Variants in NAALADL2 observed in about 807,000 individuals in gnomAD.
The protein encoded by NAALADL2 is inactive N-acetylated-alpha-linked acidic dipeptidase-like protein 2.
Under a neutral mutation model 87.2 loss-of-function variants are expected in NAALADL2, and 76 were observed. The observed-to-expected ratio is 0.87, with a 90% CI of 0.72 to 1.05. NAALADL2 has a LOEUF of 1.05. Ranked by LOEUF, NAALADL2 falls within the 50% of genes least tolerant of loss-of-function variation. NAALADL2 has a pLI of 0.00. For synonymous variants in NAALADL2, 354 were observed against 331.0 expected, an observed-to-expected ratio of 1.07 and a Z score of -0.75; for missense variants, 1,089 against 945.8, an observed-to-expected ratio of 1.15 and a Z score of -1.99.
chr3:174,867,527 A>T (rs1217466065), intron 1 of NAALADL2, among the ~76,000 whole-genome samples: 1 of 152,024 alleles, frequency 6.6e-6, no homozygotes, highest in Non-Finnish European at 1.5e-5. Flanking sequence ...GCCATAGCTG[A>T]CTTGTTTATT....
At chr3:174,710,428 A>G (rs910303402) in intron 2 of NAALADL2, among the ~76,000 whole-genome samples, 1 of 151,726 alleles carries the variant, frequency 6.6e-6, no homozygotes, top group African/African-American at 2.4e-5. Context: ...CTAATTTTGT[A>G]TTTTTAGTAG....
intron 10 of NAALADL2, among the ~76,000 whole-genome samples, chr3:175,605,926 C>T (rs1461660122): frequency 2.0e-4 from 31 of 152,034 alleles, no homozygotes; most frequent in Admixed American, 2.0e-3. Flanking sequence ...GCTCAGTATC[C>T]TTTGGTGGAA....
intron 2 of NAALADL2, among the ~76,000 whole-genome samples, chr3:174,703,364 T>A (rs1021979309): frequency 6.6e-6 from 1 of 151,740 alleles, no homozygotes; most frequent in East Asian, 1.9e-4. Flanking sequence ...TAATTGTTTT[T>A]AATACATGAA....
chr3:175,157,803 C>T (rs754666347), intron 2 of NAALADL2, among the ~76,000 whole-genome samples: 2 of 151,994 alleles, frequency 1.3e-5, no homozygotes, highest in Non-Finnish European at 2.9e-5. Flanking sequence ...TAATTCAATG[C>T]ATTTCCAGAT....
rs1247696520 is a variant in NAALADL2 at position 175,576,175 on chromosome 3, C to G, written c.1788C>G (p.Ile596Met). The G allele has an allele frequency of 6.2e-7, 1 of 1,613,062 alleles. No homozygotes were observed. The highest frequency in any genetic ancestry group is 1.1e-5 in the South Asian group (1 of 90,960). ...TCGTGCAGTTTGCTTACGAGGACAT[C>G]AAAACATTAGAGGTGATTGTTCCTA... The part of the protein sequence containing the change: ...VPIVQFAYED[I>M]KTLEGPSFLS... The change falls in exon 10 of 14, where the codon ATC becomes ATG. Residue 596 changes from isoleucine (I) to methionine (M), a missense_variant. Transcript: ENST00000454872.
intron 9 of NAALADL2, among the ~76,000 whole-genome samples, chr3:175,474,150 T>C (rs1392330219): frequency 6.6e-6 from 1 of 152,152 alleles, no homozygotes; most frequent in Non-Finnish European, 1.5e-5. Flanking sequence ...ATTTTTCTGA[T>C]GATTTGTGAA....
rs142450698 is a variant in NAALADL2 at position 175,608,497 on chromosome 3, A to G, written c.1801-18794A>G. Among the ~76,000 whole-genome samples the G allele has an allele frequency of 7.6e-3, 1,161 of 152,058 alleles. 6 individuals carry two copies. Among genetic ancestry groups the G allele is most frequent in the Admixed American group, 0.011 (173 of 15,280 alleles). ...AAGACACAGAGAGCCTGCAGTGCAG[A>G]CACAGGAGGTACTTTTGTTCTGCTC... is the stretch of plus-strand genomic sequence containing the variant. On this transcript the variant is annotated intron_variant, in intron 10 of 13. Transcript: ENST00000454872.
At chr3:175,507,388 C>A (rs1730497092) in intron 9 of NAALADL2, among the ~76,000 whole-genome samples, 1 of 152,112 alleles carries the variant, frequency 6.6e-6, no homozygotes, top group East Asian at 1.9e-4. Context: ...CCAGCCTAAT[C>A]TAAATCTTTC....
intron 1 of NAALADL2, among the ~76,000 whole-genome samples, chr3:174,925,508 G>T (rs1192026914): frequency 2.6e-5 from 4 of 152,156 alleles, no homozygotes; most frequent in Non-Finnish European, 5.9e-5. Context: ...GTAGTGTGAT[G>T]CCTCCAGCTT....
chr3:174,878,979 C>T (rs1728857031), intron 1 of NAALADL2, among the ~76,000 whole-genome samples: 1 of 152,030 alleles, frequency 6.6e-6, no homozygotes, highest in South Asian at 2.1e-4. Flanking sequence ...TCTTCAATCT[C>T]AGTACGCATA....
At chr3:175,080,078 GC>G (rs1717476421) in intron 1 of NAALADL2, among the ~76,000 whole-genome samples, 2 of 151,734 alleles carry the variant, frequency 1.3e-5, no homozygotes, top group African/African-American at 4.8e-5. Context: ...CCATTCTCCT[GC>G]CTCAGCCTCC....
At chr3:174,482,557 C>T (rs544715517) in intron 1 of NAALADL2, among the ~76,000 whole-genome samples, 1 of 152,026 alleles carries the variant, frequency 6.6e-6, no homozygotes, top group Non-Finnish European at 1.5e-5. Flanking sequence ...ATTGAGCCAG[C>T]AGTCCAGATC....
chr3:174,560,314 T>C lies in NAALADL2; in HGVS notation c.-115+9677T>C, dbSNP rs1171099818. 3.9e-5 allele frequency among the ~76,000 whole-genome samples: 6 copies of C among 152,278 alleles called. No individual in the cohort carries two copies. The Middle Eastern group carries it at 0.01, about 259-fold the overall frequency. On this transcript the variant is annotated intron_variant, in intron 2 of 3. Coordinates refer to the NAALADL2 transcript ENST00000434257. ...ACTGCATAGCCTTAATGACAATAGG[T>C]ACAAAAGATGACAGGGCAAGTACTT...
intron 2 of NAALADL2, among the ~76,000 whole-genome samples, chr3:175,114,010 T>C (rs1724669731): frequency 6.6e-6 from 1 of 151,674 alleles, no homozygotes; most frequent in African/African-American, 2.4e-5. Context: ...TGTCTCAAGT[T>C]TGTCAGGTCT....
chr3:175,629,052 A>G (rs961778341), intron 11 of NAALADL2, among the ~76,000 whole-genome samples: 2 of 150,490 alleles, frequency 1.3e-5, no homozygotes, highest in African/African-American at 4.9e-5. Context: ...TGTATATAAC[A>G]GGATAGAAGT....
intron 2 of NAALADL2, among the ~76,000 whole-genome samples, chr3:175,133,474 C>T (rs1728551496): frequency 6.6e-6 from 1 of 152,230 alleles, no homozygotes; most frequent in Non-Finnish European, 1.5e-5. Flanking sequence ...AATCCCGGCA[C>T]CTTGGGATGC....
At chr3:174,981,814 G>A (rs1745157149) in intron 1 of NAALADL2, among the ~76,000 whole-genome samples, 1 of 151,932 alleles carries the variant, frequency 6.6e-6, no homozygotes, top group Non-Finnish European at 1.5e-5. Context: ...TCCATACCAT[G>A]CCTAAGATGT....
intron 1 of NAALADL2, among the ~76,000 whole-genome samples, chr3:174,931,160 G>A (rs536504242): frequency 1.3e-5 from 2 of 152,138 alleles, no homozygotes; most frequent in Non-Finnish European, 2.9e-5. Flanking sequence ...AGCCATGCCT[G>A]TGTACCACCT....
intron 1 of NAALADL2, among the ~76,000 whole-genome samples, chr3:174,986,324 CAA>C: frequency 6.8e-6 from 1 of 146,310 alleles, no homozygotes; most frequent in Non-Finnish European, 1.5e-5. Flanking sequence ...TATATATATA[CAA>C]TATATATATT....
Sources: gnomAD v4.1 joint callset for allele counts (sites outside exome capture counted in the v4.1 genomes callset) on GRCh38, gnomAD v4.1.1 for gene constraint, MANE v1.5 for transcripts, NCBI Gene and HGNC (gene_info 2026-07-23, HGNC 2026-07-21) for gene names.